Variants in DTX3L observed in about 807,000 individuals in gnomAD.
DTX3L encodes deltex E3 ubiquitin ligase 3L, also known as E3 ubiquitin-protein ligase DTX3L.
In DTX3L, 34 loss-of-function variants were observed where a neutral mutation model predicts 60.9. The ratio of observed to expected loss-of-function variants is 0.56; its 90% confidence interval spans 0.42 to 0.74. The LOEUF is 0.74. Ranked by LOEUF, DTX3L falls within the 30% of genes least tolerant of loss-of-function variation. The pLI, the probability that DTX3L is intolerant of heterozygous loss-of-function variation, is 0.00. For missense variants in DTX3L, 810 were observed against 874.0 expected (o/e 0.93, Z 0.92); for synonymous variants, 290 against 316.6 (o/e 0.92, Z 0.89).
chr3:122,569,523 T>C lies in DTX3L; in HGVS notation c.1434T>C (p.His478=). The change falls in exon 3 of 5, where the codon CAT becomes CAC. Residue 478 remains histidine, a synonymous_variant. Coordinates refer to ENST00000296161, the MANE Select transcript of DTX3L (RefSeq NM_138287.3). ...TTGCTGATGACTTTAGAAAAAGACA[T>C]CCAAATGTACACTTTGTGCTAAATC... ...TKFADDFRKR[H]PNVHFVLNQE... The C allele has an allele frequency of 6.2e-7, 1 of 1,614,222 alleles. No individual in the cohort carries two copies. The highest frequency in any genetic ancestry group is 1.1e-5 in the South Asian group (1 of 91,090).
rs1490237441 is a variant in DTX3L at position 122,569,996 on chromosome 3, C to T, written c.1907C>T (p.Thr636Ile). Residue 636 changes from threonine (T) to isoleucine (I), a missense_variant, in exon 3 of 5, where the codon ACT (threonine) becomes ATT (isoleucine). Coordinates refer to ENST00000296161, the MANE Select transcript of DTX3L (RefSeq NM_138287.3). ...GAGTCCTTTGGCACCATTGTGATTACTTATTCTATGAAAGCAGGCATACAA... is the reference window on the plus strand; with the variant it reads ...GAGTCCTTTGGCACCATTGTGATTATTTATTCTATGAAAGCAGGCATACAA... ...GYESFGTIVI[T>I]YSMKAGIQTE... 2.5e-6 allele frequency: 4 copies of T among 1,613,922 alleles called. No homozygotes were observed. Among genetic ancestry groups the T allele is most frequent in the Non-Finnish European group, 3.4e-6 (4 of 1,180,044 alleles).
At chr3:122,570,349 C>T (rs1242357373) in intron 3 of DTX3L, 106 bp from the exon 4 acceptor site, 5 of 1,150,690 alleles carry the variant, frequency 4.3e-6, no homozygotes, top group African/African-American at 1.5e-5. Flanking sequence ...ACTTCAATAC[C>T]TTTCTTGCTT....
In DTX3L at chr3:122,571,914, A is replaced by G; in HGVS notation, c.*167A>G. 1.8e-6 allele frequency: 1 copy of G among 554,480 alleles called. No individual in the cohort carries two copies. Among genetic ancestry groups the G allele is most frequent in the Non-Finnish European group, 3.1e-6 (1 of 321,430 alleles). 34.3% of individuals were successfully genotyped at this position (554,480 alleles called of 1,614,324 possible). A position where few individuals can be genotyped will look rare whatever the true frequency, so the allele number is the denominator to read the frequency against. On this transcript the variant is annotated 3_prime_UTR_variant, in exon 5 of 5. Transcript: ENST00000296161. ...CTGCTAGTCTGTCATTTCTGGAGTG[A>G]TACTTTTTTTTTTGAGACGGAGTCT...
chr3:122,565,765 T>C (rs1350039385), intron 1 of DTX3L, 94 bp from the exon 2 acceptor site: 44 of 1,277,394 alleles, frequency 3.4e-5, no homozygotes, highest in South Asian at 2.0e-4. Context: ...TGGGAGGTGC[T>C]GGGGCAGAGT....
intron 1 of DTX3L, among the ~76,000 whole-genome samples, chr3:122,565,118 C>T (rs1450360098): frequency 6.6e-6 from 1 of 152,178 alleles, no homozygotes; most frequent in Non-Finnish European, 1.5e-5. Flanking sequence ...TTCCTTCCTG[C>T]CTTTTTTTAT....
At position 122,572,007 on chromosome 3, in the gene DTX3L, C is replaced by G. The variant is rs1576460934; in HGVS notation, c.*260C>G. The G allele has an allele frequency of 4.4e-6, 1 of 227,238 alleles. No homozygotes were observed. The highest frequency in any genetic ancestry group is 8.9e-6 in the Non-Finnish European group (1 of 112,852). 14.1% of individuals were successfully genotyped at this position (227,238 alleles called of 1,614,324 possible). On this transcript the variant is annotated 3_prime_UTR_variant, in exon 5 of 5. Transcript: ENST00000296161. ...CACTGCAAGCTCCGCCTCCCAGGTT[C>G]ATGCCATTCTCCTACCTCAGCCTCC...
Position 122,570,692 on chromosome 3 carries a change from T to C in DTX3L, c.2153+20T>C, listed in dbSNP as rs376111149. 9.3e-6 allele frequency: 15 copies of C among 1,611,972 alleles called. No homozygotes were observed. The African/African-American group carries it at 1.5e-4, about 16-fold the overall frequency. On this transcript the variant is annotated intron_variant, in intron 4 of 4. Coordinates refer to ENST00000296161, the MANE Select transcript of DTX3L (RefSeq NM_138287.3). The stretch of plus-strand genomic sequence containing the variant: ...AGAAATGTGAGATCCTTTTGGGATG[T>C]AATGGCTGCTCAACAGAGTATAGGG...
At position 122,574,087 on chromosome 3, in the gene DTX3L, C is replaced by T. The variant is rs1375790841; in HGVS notation, c.*2340C>T. On this transcript the variant is annotated 3_prime_UTR_variant, in exon 5 of 5. Coordinates refer to ENST00000296161, the MANE Select transcript of DTX3L (RefSeq NM_138287.3). ...TCCTGGACTCAAGGGATCCTCCTGTCTTGGGCTCCCAAAGTGTTGGGATTA... is the reference window on the plus strand; with the variant it reads ...TCCTGGACTCAAGGGATCCTCCTGTTTTGGGCTCCCAAAGTGTTGGGATTA... The T allele has an allele frequency of 6.6e-6, 1 of 151,456 alleles. No individual in the cohort carries two copies. The highest frequency in any genetic ancestry group is 1.9e-4 in the East Asian group (1 of 5,166). The allele number at this position is 151,456 out of a possible 1,614,324, so 9.4% of individuals were successfully genotyped here.
Position 122,569,225 on chromosome 3 carries a change from A to G in DTX3L, c.1136A>G (p.Glu379Gly). 3 of 1,614,212 alleles carry G rather than the reference A, an allele frequency of 1.9e-6. No individual in the cohort carries two copies. Among genetic ancestry groups the G allele is most frequent in the Non-Finnish European group, 1.7e-6 (2 of 1,180,018 alleles). Residue 379 changes from glutamate (E) to glycine (G), a missense_variant, in exon 3 of 5, where the codon GAG becomes GGG. By Grantham distance (98) the Glu-to-Gly change is moderately conservative. Coordinates refer to ENST00000296161, the MANE Select transcript of DTX3L (RefSeq NM_138287.3). ...GCCAATTACATGATGAATGTAATTG[A>G]GGTTGATAGTGCCCACTATAAACTT... ...FAANYMMNVIEVDSAHYKLLE... is the reference protein window; with the variant it reads ...FAANYMMNVIGVDSAHYKLLE...
At position 122,571,756 on chromosome 3, in the gene DTX3L, C is replaced by A. The variant is rs1196074840; in HGVS notation, c.*9C>A. ...CCAAAGGAATTGAGTAAGACAACTG[C>A]TGGAAGATGTCTTAAATCAAGCTTT... On this transcript the variant is annotated 3_prime_UTR_variant, in exon 5 of 5. Transcript: ENST00000296161. The A allele has an allele frequency of 3.1e-6, 5 of 1,606,762 alleles. No individual in the cohort carries two copies. In the South Asian group the frequency reaches 5.5e-5, roughly 18 times the overall value.
In DTX3L at chr3:122,569,446, C is replaced by A. The variant is rs1224141251; in HGVS notation, c.1357C>A (p.Leu453Ile). 3 of 1,614,132 alleles carry A rather than the reference C, an allele frequency of 1.9e-6. No homozygotes were observed. The highest frequency in any genetic ancestry group is 2.5e-6 in the Non-Finnish European group (3 of 1,180,022). The change falls in exon 3 of 5, where the codon CTT (leucine) becomes ATT (isoleucine). Residue 453 changes from leucine (L) to isoleucine (I), a missense_variant. Leu to Ile is a conservative substitution (Grantham distance 5). Coordinates refer to ENST00000296161, the MANE Select transcript of DTX3L (RefSeq NM_138287.3). ...HASCQLMREV[L>I]LLKSLGKERK... The stretch of plus-strand genomic sequence containing the variant: ...CTCATGTCAGTTGATGAGAGAAGTT[C>A]TTTTACTGAAGTCTTTGGGCAAGGA...
At position 122,564,432 on chromosome 3, in the gene DTX3L, C is replaced by T. The variant is rs761150063; in HGVS notation, c.6C>T (p.Ala2=). The part of the protein sequence containing the change: M[A]SHLRPPSPLL... ...CCCTCCCGACGCGCAGAGCCATGGC[C>T]TCCCACCTGCGCCCGCCGTCCCCGC... Residue 2 remains alanine, a synonymous_variant, in exon 1 of 5, where the codon GCC becomes GCT. Coordinates refer to ENST00000296161, the MANE Select transcript of DTX3L (RefSeq NM_138287.3). 1.2e-6 allele frequency: 2 copies of T among 1,609,578 alleles called. No homozygotes were observed. Among genetic ancestry groups the T allele is most frequent in the Non-Finnish European group, 1.7e-6 (2 of 1,178,576 alleles).
At position 122,569,288 on chromosome 3, in the gene DTX3L, A is replaced by C. The variant is rs2080626745; in HGVS notation, c.1199A>C (p.Glu400Ala). Residue 400 changes from glutamate to alanine, a missense_variant, in exon 3 of 5, where the codon GAA becomes GCA. Physicochemically the swap from Glu to Ala is moderately radical, Grantham distance 107 (BLOSUM62 -1). Coordinates refer to ENST00000296161, the MANE Select transcript of DTX3L (RefSeq NM_138287.3). ...TTACTACAGGAGATATCAGAGATCG[A>C]AAAAAGGTATGACATTTGCAGCAAG... ...TELLQEISEI[E>A]KRYDICSKVS... 3 of 1,614,222 alleles carry C rather than the reference A, an allele frequency of 1.9e-6. No individual in the cohort carries two copies. The East Asian group carries it at 6.7e-5, about 36-fold the overall frequency.
Position 122,568,560 on chromosome 3 carries a change from A to G in DTX3L, c.471A>G (p.Thr157=), listed in dbSNP as rs1193643058. The G allele has an allele frequency of 6.2e-7, 1 of 1,614,084 alleles. No homozygotes were observed. Among genetic ancestry groups the G allele is most frequent in the East Asian group, 2.2e-5 (1 of 44,904 alleles). The part of the protein sequence containing the change: ...FSKEQRAYIT[T]LCPSIRKMEG... ...AAGAGCAGAGGGCATACATAACCAC[A>G]CTGTGCCCTAGTATCAGAAAAATGG... Residue 157 remains threonine, a synonymous_variant, in exon 3 of 5, where the codon ACA becomes ACG. Coordinates refer to ENST00000296161, the MANE Select transcript of DTX3L (RefSeq NM_138287.3).
At chr3:122,568,029 A>C (rs188214036) in intron 2 of DTX3L, among the ~76,000 whole-genome samples, 110 of 152,200 alleles carry the variant, frequency 7.2e-4, no homozygotes, top group Middle Eastern at 3.4e-3. Context: ...AGGATTTGAG[A>C]CCAGGCACGG....
Position 122,566,086 on chromosome 3 carries a change from A to G in DTX3L, c.399+16A>G. On this transcript the variant is annotated intron_variant, in intron 2 of 4. Coordinates refer to ENST00000296161, the MANE Select transcript of DTX3L (RefSeq NM_138287.3). ...TCTCCAAAAGGTGAGTATTGAAAGA[A>G]GGAGCTGGCTGTGCCTGCGCCTCCT... 6.2e-7 allele frequency: 1 copy of G among 1,611,458 alleles called. No individual in the cohort carries two copies. The highest frequency in any genetic ancestry group is 1.1e-5 in the South Asian group (1 of 91,008).
intron 4 of DTX3L, 107 bp from the exon 5 acceptor site, chr3:122,571,571 G>C (rs1027673468): frequency 3.7e-5 from 31 of 836,076 alleles, no homozygotes; most frequent in Non-Finnish European, 5.4e-5. Context: ...AGGATTACTT[G>C]TGAATGTTTG....
rs1259576306 is a variant in DTX3L at position 122,569,845 on chromosome 3, A to G, written c.1756A>G (p.Ile586Val). 2.5e-6 allele frequency: 4 copies of G among 1,614,054 alleles called. No homozygotes were observed. The highest frequency in any genetic ancestry group is 1.1e-5 in the South Asian group (1 of 91,090). Residue 586 changes from isoleucine (I) to valine (V), a missense_variant, in exon 3 of 5, where the codon ATC becomes GTC. Ile to Val is a conservative substitution (Grantham distance 29). Transcript: ENST00000296161. ...KCKHEFCAPCINKAMSYKPIC... is the reference protein window; with the variant it reads ...KCKHEFCAPCVNKAMSYKPIC... The stretch of plus-strand genomic sequence containing the variant: ...CAAGCATGAATTCTGCGCCCCTTGT[A>G]TCAACAAAGCCATGTCATATAAGCC...
rs541815206 is a variant in DTX3L, at chr3:122,568,266, G to A, written c.400-223G>A. Among the ~76,000 whole-genome samples, 9 of 152,118 alleles carry A rather than the reference G, an allele frequency of 5.9e-5. No homozygotes were observed. The South Asian group carries it at 6.2e-4, about 11-fold the overall frequency. On this transcript the variant is annotated intron_variant, in intron 2 of 4. Coordinates refer to ENST00000296161, the MANE Select transcript of DTX3L (RefSeq NM_138287.3). ...GGAGGTTGCAGTGAGCTGAGATCGC[G>A]CCATTGCACTCCAGCCTGGGTAACA... is the stretch of plus-strand genomic sequence containing the variant.
Sources: allele counts gnomAD v4.1 joint callset (sites outside exome capture counted in the v4.1 genomes callset), GRCh38; gene constraint gnomAD v4.1.1; transcripts MANE v1.5; gene names NCBI Gene and HGNC (gene_info 2026-07-23, HGNC 2026-07-21).